CHD9: variants seen among roughly 807,000 people sequenced by gnomAD.
CHD9 encodes the protein chromodomain helicase DNA binding protein 9.
In CHD9, 77 loss-of-function variants were observed where a neutral mutation model predicts 316.1. The ratio of observed to expected loss-of-function variants is 0.24; its 90% CI spans 0.20 to 0.29. The LOEUF (loss-of-function observed/expected upper bound fraction) is 0.29, where lower values mean the gene tolerates loss of function less well. Ranked by LOEUF, CHD9 falls within the 10% of genes least tolerant of loss-of-function variation. The pLI is 1.00. For synonymous variants in CHD9, 1,129 were observed against 1,158.3 expected (o/e 0.97, Z 0.51); for missense variants, 2,763 against 3,438.1 (o/e 0.80, Z 4.91).
intron 11 of CHD9, among the ~76,000 whole-genome samples, chr16:53,235,591 C>G (rs949136883): frequency 6.6e-6 from 1 of 152,064 alleles, no homozygotes; most frequent in African/African-American, 2.4e-5. Flanking sequence ...TTATATAATG[C>G]TTTTCAGCTT....
chr16:53,104,547 G>A (rs938001245), intron 1 of CHD9, among the ~76,000 whole-genome samples: 8 of 152,048 alleles, frequency 5.3e-5, no homozygotes, highest in Middle Eastern at 3.4e-3. Flanking sequence ...GCAGTGGCTC[G>A]TGCCTGTAAT....
At chr16:53,273,183 C>T (rs1382408062) in intron 22 of CHD9, among the ~76,000 whole-genome samples, 1 of 151,974 alleles carries the variant, frequency 6.6e-6, no homozygotes, top group Non-Finnish European at 1.5e-5. Context: ...TTAAATATTT[C>T]ACAACAAATA....
At chr16:53,221,235 T>C (rs2047205868) in intron 3 of CHD9, among the ~76,000 whole-genome samples, 1 of 152,232 alleles carries the variant, frequency 6.6e-6, no homozygotes, top group African/African-American at 2.4e-5. Flanking sequence ...GTAGTTATTA[T>C]GATATCCCTA....
rs769995376 is a variant in CHD9, at chr16:53,307,994, C to T, written c.7053+41C>T. The T allele has an allele frequency of 9.2e-6, 14 of 1,516,992 alleles. No individual in the cohort carries two copies. The East Asian group carries it at 1.7e-4, about 19-fold the overall frequency. 94.0% of individuals were successfully genotyped at this position (1,516,992 alleles called of 1,614,324 possible). A position where few individuals can be genotyped will look rare whatever the true frequency, so the allele number is the denominator to read the frequency against. The stretch of plus-strand genomic sequence containing the variant: ...TTGCCCTAGGGCCTGATTGCGATTG[C>T]GGTGTGCAGCATGCTTTTCCTGCAA... On this transcript the variant is annotated intron_variant, in intron 33 of 38. Coordinates refer to ENST00000447540, the MANE Select transcript of CHD9 (RefSeq NM_001308319.2).
At chr16:53,309,547 T>C (rs182313468) in intron 34 of CHD9, among the ~76,000 whole-genome samples, 4 of 152,350 alleles carry the variant, frequency 2.6e-5, no homozygotes, top group African/African-American at 7.2e-5. Context: ...TCAACACATA[T>C]TTATTAAATA....
chr16:53,078,048 T>C (rs570818009), intron 1 of CHD9, among the ~76,000 whole-genome samples: 2 of 152,246 alleles, frequency 1.3e-5, no homozygotes, highest in East Asian at 3.9e-4. Context: ...CACTCCGGCA[T>C]GGGCAACAAA....
At chr16:53,301,021 C>T (rs1226550796) in intron 30 of CHD9, among the ~76,000 whole-genome samples, 3 of 152,006 alleles carry the variant, frequency 2.0e-5, no homozygotes, top group Non-Finnish European at 4.4e-5. Context: ...TGCAGTGAGC[C>T]AAGATCGCAC....
chr16:53,304,423 G>C lies in CHD9; in HGVS notation c.6417G>C (p.Glu2139Asp), dbSNP rs746423734. The change falls in exon 31 of 39, where the codon GAG becomes GAC. Residue 2139 changes from glutamate (E) to aspartate (D), a missense_variant. This residue lies in a region of CHD9 where 663 missense variants were observed against 751.2 expected (regional missense o/e 0.88). Coordinates refer to ENST00000447540, the MANE Select transcript of CHD9 (RefSeq NM_001308319.2). ...GTTCTGATTCTGACTCAGATTCTGAGAGATCATCTTGTTCTTCCAGATCAT... is the reference window on the plus strand; with the variant it reads ...GTTCTGATTCTGACTCAGATTCTGACAGATCATCTTGTTCTTCCAGATCAT... ...ESSSDSDSDS[E>D]RSSCSSRSSS... 1.2e-5 allele frequency: 20 copies of C among 1,602,832 alleles called. No homozygotes were observed. Among genetic ancestry groups the C allele is most frequent in the Non-Finnish European group, 1.6e-5 (19 of 1,174,606 alleles).
chr16:53,276,014 C>T (rs947273990), intron 24 of CHD9, among the ~76,000 whole-genome samples: 14 of 152,194 alleles, frequency 9.2e-5, no homozygotes, highest in Non-Finnish European at 2.9e-5. Context: ...TTCTAACTCA[C>T]TTAACTTGGG....
intron 1 of CHD9, among the ~76,000 whole-genome samples, chr16:53,101,274 T>C (rs1379668588): frequency 1.5e-5 from 1 of 65,406 alleles, no homozygotes; most frequent in Non-Finnish European, 4.0e-5. Flanking sequence ...TTTCCTTTTC[T>C]TTTTTTTTTT....
At chr16:53,322,845 A>G (rs1220507259) in intron 38 of CHD9, among the ~76,000 whole-genome samples, 2 of 152,202 alleles carry the variant, frequency 1.3e-5, no homozygotes, top group Non-Finnish European at 2.9e-5. Flanking sequence ...TAATTGCACA[A>G]GGAAAAAAAT....
At chr16:53,146,413 G>GTGTC in intron 1 of CHD9, among the ~76,000 whole-genome samples, 1 of 24,486 alleles carries the variant, frequency 4.1e-5, no homozygotes. Context: ...TTGTGTGTGT[G>GTGTC]TGTATGTATA....
chr16:53,057,654 CA>C (rs879298093), intron 1 of CHD9, among the ~76,000 whole-genome samples: 307 of 129,388 alleles, frequency 2.4e-3, no homozygotes, highest in African/African-American at 2.5e-3. Context: ...AACTCCATCT[CA>C]AAAAAAAAAA....
At chr16:53,313,854 G>A (rs2056670856) in intron 34 of CHD9, among the ~76,000 whole-genome samples, 1 of 151,730 alleles carries the variant, frequency 6.6e-6, no homozygotes, top group Non-Finnish European at 1.5e-5. Context: ...TTGGGAGGCT[G>A]AGGCAGGAGA....
intron 1 of CHD9, among the ~76,000 whole-genome samples, chr16:53,109,677 CTTTTTTTTTTTTTT>C (rs1166073629): frequency 8.7e-4 from 62 of 71,606 alleles, no homozygotes; most frequent in Non-Finnish European, 1.4e-3. Flanking sequence ...TTCCCAGTTT[CTTTTTTTTTTTTTT>C]TTTTTTTTTT....
intron 30 of CHD9, among the ~76,000 whole-genome samples, chr16:53,300,085 G>A (rs1567647905): frequency 6.6e-6 from 1 of 152,220 alleles, no homozygotes; most frequent in Non-Finnish European, 1.5e-5. Context: ...CCAGCGCAGT[G>A]GCTCACGCCT....
At chr16:53,061,215 C>A (rs1460819144) in intron 1 of CHD9, among the ~76,000 whole-genome samples, 2 of 152,132 alleles carry the variant, frequency 1.3e-5, no homozygotes, top group Non-Finnish European at 2.9e-5. Context: ...GCATGAGCCA[C>A]CTCGCCTGGC....
chr16:53,277,475 A>G (rs1249036523), intron 24 of CHD9, among the ~76,000 whole-genome samples: 1 of 152,198 alleles, frequency 6.6e-6, no homozygotes, highest in East Asian at 1.9e-4. Context: ...GATAAACCAC[A>G]TAAACAGAAT....
intron 16 of CHD9, among the ~76,000 whole-genome samples, chr16:53,248,526 GTTT>G (rs542703474): frequency 9.4e-6 from 1 of 105,990 alleles, no homozygotes; most frequent in South Asian, 3.1e-4. Flanking sequence ...TTTTTTTTTT[GTTT>G]TTTTTTTTTT....
Sources: allele counts gnomAD v4.1 joint callset (sites outside exome capture counted in the v4.1 genomes callset), GRCh38; gene constraint gnomAD v4.1.1; regional missense constraint gnomAD v4.1.1; transcripts MANE v1.5; gene names NCBI Gene and HGNC (gene_info 2026-07-23, HGNC 2026-07-21).